Variants in TYW1B observed in about 807,000 individuals in gnomAD.
The protein encoded by TYW1B is S-adenosyl-L-methionine-dependent tRNA 4-demethylwyosine synthase TYW1B.
Under a neutral mutation model 86.9 loss-of-function variants are expected in TYW1B, and 73 were observed. The observed-to-expected ratio is 0.84, with a 90% CI of 0.70 to 1.02. The LOEUF (loss-of-function observed/expected upper bound fraction) is 1.02. Among genes scored for constraint, TYW1B ranks in the 50% least tolerant of loss-of-function variants. TYW1B has a pLI of 0.00. For missense variants in TYW1B, 637 were observed against 827.4 expected (o/e 0.77, Z 2.82); for synonymous variants, 248 against 292.8 (o/e 0.85, Z 1.56).
chr7:72,577,379 T>C (rs1311946098), intron 13 of TYW1B, among the ~76,000 whole-genome samples: 5 of 152,278 alleles, frequency 3.3e-5, no homozygotes, highest in African/African-American at 1.2e-4. Context: ...AGACCATTCT[T>C]GGAAATGGTG....
intron 7 of TYW1B, among the ~76,000 whole-genome samples, chr7:72,750,610 A>G (rs1787483469): frequency 6.6e-6 from 1 of 152,126 alleles, no homozygotes; most frequent in Non-Finnish European, 1.5e-5. Flanking sequence ...GTCTTTCATC[A>G]AATTTGGGCT....
At position 72,689,277 on chromosome 7, in the gene TYW1B, C is replaced by T. The variant is rs539059430; in HGVS notation, c.1506+5410G>A. The stretch of plus-strand genomic sequence containing the variant: ...AAGGAAAGAAGAAGATATATTTCAT[C>T]GACTACAAGAAACTCTAGGATAAAG... On this transcript the variant is annotated intron_variant, in intron 11 of 13. Coordinates refer to ENST00000620995, the MANE Select transcript of TYW1B (RefSeq NM_001145440.3). 5.1e-4 allele frequency among the ~76,000 whole-genome samples: 78 copies of T among 152,190 alleles called. 1 individual carries two copies. Among genetic ancestry groups the T allele is most frequent in the Admixed American group, 1.2e-3 (18 of 15,262 alleles).
chr7:72,697,031 TAAAAAAAAAAAAAAAAAAA>T (rs781801843), intron 10 of TYW1B, among the ~76,000 whole-genome samples: 122 of 137,758 alleles, frequency 8.9e-4, no homozygotes, highest in Middle Eastern at 3.5e-3. Context: ...GATTTCTACT[TAAAAAAAAAAAAAAAAAAA>T]AAAAAAAAAA....
rs528022530 is a variant in TYW1B, at chr7:72,785,611, C to A, written c.847-8078G>T. ...GCACAGAGGGGTAAAATAATTTGTC[C>A]AGATACACAAGCTGAGATGTATGAC... is the stretch of plus-strand genomic sequence containing the variant. On this transcript the variant is annotated intron_variant, in intron 6 of 13. Transcript: ENST00000620995. Among the ~76,000 whole-genome samples the A allele has an allele frequency of 2.0e-5, 3 of 151,978 alleles. No individual in the cohort carries two copies. In the South Asian group the frequency reaches 6.2e-4, roughly 32 times the overall value.
At chr7:72,790,245 C>A (rs1554473171) in intron 6 of TYW1B, among the ~76,000 whole-genome samples, 1 of 151,954 alleles carries the variant, frequency 6.6e-6, no homozygotes, top group Non-Finnish European at 1.5e-5. Context: ...TGTGCCCGGC[C>A]AGGAGTATCT....
chr7:72,692,981 G>C (rs1554450632), intron 11 of TYW1B, among the ~76,000 whole-genome samples: 1 of 152,090 alleles, frequency 6.6e-6, no homozygotes, highest in East Asian at 1.9e-4. Flanking sequence ...GGGCACAGGA[G>C]AGAAAGGCAA....
At chr7:72,736,341 T>C (rs1468870824) in intron 8 of TYW1B, among the ~76,000 whole-genome samples, 1 of 152,248 alleles carries the variant, frequency 6.6e-6, no homozygotes, top group Non-Finnish European at 1.5e-5. Flanking sequence ...GGGACCAGTA[T>C]AAGCATGCCA....
chr7:72,735,900 T>C, intron 8 of TYW1B, among the ~76,000 whole-genome samples: 1 of 152,064 alleles, frequency 6.6e-6, no homozygotes, highest in Non-Finnish European at 1.5e-5. Flanking sequence ...ACCGTAACAT[T>C]ATCCTATTTA....
intron 11 of TYW1B, among the ~76,000 whole-genome samples, chr7:72,687,451 T>C (rs1233121816): frequency 1.3e-5 from 2 of 151,836 alleles, no homozygotes; most frequent in Non-Finnish European, 2.9e-5. Context: ...ATAAAATAAA[T>C]AAACTGGTAA....
intron 9 of TYW1B, among the ~76,000 whole-genome samples, chr7:72,722,517 T>C (rs1786923156): frequency 6.6e-6 from 1 of 152,206 alleles, no homozygotes; most frequent in African/African-American, 2.4e-5. Context: ...TCTGACCCAC[T>C]TTTAATCAAT....
At chr7:72,700,257 C>G (rs1814433641) in intron 10 of TYW1B, among the ~76,000 whole-genome samples, 1 of 141,746 alleles carries the variant, frequency 7.1e-6, no homozygotes, top group Non-Finnish European at 1.5e-5. Context: ...CCACTGCAAC[C>G]TCTGCCTCCC....
chr7:72,606,229 T>C (rs1811793582), intron 13 of TYW1B, among the ~76,000 whole-genome samples: 1 of 150,570 alleles, frequency 6.6e-6, no homozygotes, highest in South Asian at 2.1e-4. Flanking sequence ...TAAAGGCTGC[T>C]CTCTTAGGAC....
chr7:72,743,534 G>T (rs1787341045), intron 8 of TYW1B, among the ~76,000 whole-genome samples: 1 of 152,070 alleles, frequency 6.6e-6, no homozygotes, highest in African/African-American at 2.4e-5. Flanking sequence ...GTAAGCAGTT[G>T]TAAGTGAAGG....
At chr7:72,720,796 T>C (rs1199784685) in intron 9 of TYW1B, among the ~76,000 whole-genome samples, 1 of 152,160 alleles carries the variant, frequency 6.6e-6, no homozygotes, top group Admixed American at 6.6e-5. Flanking sequence ...ATGTGAGCAA[T>C]GTGCAGGTTT....
chr7:72,754,113 C>A (rs552869443), intron 7 of TYW1B, among the ~76,000 whole-genome samples: 7 of 152,156 alleles, frequency 4.6e-5, no homozygotes, highest in African/African-American at 1.7e-4. Flanking sequence ...ATAACAATAA[C>A]CGCTAGTCCC....
intron 9 of TYW1B, among the ~76,000 whole-genome samples, chr7:72,715,942 T>G (rs1430643080): frequency 6.6e-6 from 1 of 152,190 alleles, no homozygotes; most frequent in Non-Finnish European, 1.5e-5. Flanking sequence ...TTTGTTTGTT[T>G]GTTTTTGAGA....
intron 13 of TYW1B, among the ~76,000 whole-genome samples, chr7:72,603,292 T>C (rs1554434229): frequency 6.9e-6 from 1 of 145,446 alleles, no homozygotes; most frequent in Non-Finnish European, 1.5e-5. Context: ...GACAAACAGA[T>C]GACAGATGAT....
At position 72,741,990 on chromosome 7, in the gene TYW1B, G is replaced by C. The variant is rs181947544; in HGVS notation, c.1082+2494C>G. Among the ~76,000 whole-genome samples the C allele has an allele frequency of 3.4e-3, 515 of 152,292 alleles. 8 individuals carry two copies. Among genetic ancestry groups the C allele is most frequent in the South Asian group, 0.012 (57 of 4,822 alleles). On this transcript the variant is annotated intron_variant, in intron 8 of 13. Transcript: ENST00000620995. ...TGCCCTACGATAAATGCTAAAGGGA[G>C]TCCTTCAGACAAAAATGAAAGGACA...
chr7:72,789,776 T>C (rs1788188466), intron 6 of TYW1B, among the ~76,000 whole-genome samples: 1 of 151,704 alleles, frequency 6.6e-6, no homozygotes, highest in African/African-American at 2.4e-5. Context: ...ACACCCAGCC[T>C]GGAATTTTTT....
Sources: gnomAD v4.1 joint callset for allele counts (sites outside exome capture counted in the v4.1 genomes callset) on GRCh38, gnomAD v4.1.1 for gene constraint, MANE v1.5 for transcripts, NCBI Gene and HGNC (gene_info 2026-07-23, HGNC 2026-07-21) for gene names.